The following BBOX1 variants were observed in gnomAD, a reference collection of about 807,000 sequenced individuals.
The protein encoded by BBOX1 is gamma-butyrobetaine hydroxylase 1, also known as gamma-butyrobetaine dioxygenase.
In BBOX1, 35 loss-of-function variants were observed where a neutral mutation model predicts 41.6. The observed-to-expected ratio is 0.84, with a 90% CI of 0.64 to 1.11. The LOEUF (loss-of-function observed/expected upper bound fraction) is 1.11. Among genes scored for constraint, BBOX1 ranks in the 50% most tolerant of loss-of-function variants. BBOX1 has a pLI of 0.00. For synonymous variants in BBOX1, 163 were observed against 154.7 expected (o/e 1.05, Z -0.40); for missense variants, 458 against 460.6 (o/e 0.99, Z 0.05).
chr11:27,047,273 C>G (rs1449225059), intron 2 of BBOX1: 1 of 152,178 alleles, frequency 6.6e-6, no homozygotes, highest in Non-Finnish European at 1.5e-5. Flanking sequence ...TCAGGTTCCC[C>G]CAGTGATTGG....
rs60181877 is a variant in BBOX1 at position 27,063,945 on chromosome 11, ATTTGG to A, written c.334+6637_334+6641del. On this transcript the variant is annotated intron_variant, in intron 4 of 8. Transcript: ENST00000263182. Reference sequence around the variant, plus strand: ...GACTTTATGACAGTGCAAAAACCAGATTTGGTTTGGTGCAGAGGCCATTTTTACAA... The same window carrying A: ...GACTTTATGACAGTGCAAAAACCAGATTTGGTGCAGAGGCCATTTTTACAA... 0.016 allele frequency among the ~76,000 whole-genome samples: 2,477 copies of A among 152,286 alleles called. 240 individuals are homozygous for A. In the East Asian group the frequency reaches 0.29, roughly 18 times the overall value.
At chr11:27,116,809 C>G (rs1490912359) in intron 6 of BBOX1, among the ~76,000 whole-genome samples, 2 of 151,974 alleles carry the variant, frequency 1.3e-5, no homozygotes, top group Non-Finnish European at 2.9e-5. Flanking sequence ...AAATCTAGCC[C>G]ACATTCAGGA....
chr11:27,082,232 C>T (rs1322152474), intron 4 of BBOX1, among the ~76,000 whole-genome samples: 1 of 152,080 alleles, frequency 6.6e-6, no homozygotes, highest in Non-Finnish European at 1.5e-5. Flanking sequence ...AATATCCAAA[C>T]TATATCTCTA....
chr11:27,070,668 G>T (rs1443184398), intron 4 of BBOX1, among the ~76,000 whole-genome samples: 1 of 149,480 alleles, frequency 6.7e-6, no homozygotes, highest in Non-Finnish European at 1.5e-5. Context: ...TGTGTTAGGT[G>T]AGTCTCTTGA....
At chr11:27,123,186 G>A (rs1178940764) in intron 7 of BBOX1, among the ~76,000 whole-genome samples, 1 of 152,108 alleles carries the variant, frequency 6.6e-6, no homozygotes, top group East Asian at 1.9e-4. Context: ...TAAACAGTAG[G>A]TAAAAGAAAG....
chr11:27,084,968 T>C (rs1482529820), intron 4 of BBOX1, among the ~76,000 whole-genome samples: 2 of 152,148 alleles, frequency 1.3e-5, no homozygotes, highest in African/African-American at 4.8e-5. Context: ...TTCGTAATGT[T>C]TATGTACCCA....
At position 27,057,226 on chromosome 11, in the gene BBOX1, A is replaced by G; in HGVS notation, c.245A>G (p.His82Arg). The G allele has an allele frequency of 3.1e-6, 5 of 1,610,764 alleles. No individual in the cohort carries two copies. The highest frequency in any genetic ancestry group is 4.2e-6 in the Non-Finnish European group (5 of 1,179,290). ...GTGTACATCACATGGCCCGATGAGC[A>G]TTACAGTGAATTCCAGGCTGATTGG... ...KKVYITWPDE[H>R]YSEFQADWLK... is the part of the protein sequence containing the mutation. Residue 82 changes from histidine (H) to arginine (R), a missense_variant, in exon 4 of 9, where the codon CAT becomes CGT. Transcript: ENST00000263182.
intron 4 of BBOX1, among the ~76,000 whole-genome samples, chr11:27,073,084 A>G (rs1857510169): frequency 6.6e-6 from 1 of 152,190 alleles, no homozygotes; most frequent in African/African-American, 2.4e-5. Context: ...TAAACTAAAG[A>G]GCTTCTGCAC....
intron 5 of BBOX1, among the ~76,000 whole-genome samples, chr11:27,096,787 T>C (rs1858455114): frequency 6.6e-6 from 1 of 151,982 alleles, no homozygotes; most frequent in East Asian, 1.9e-4. Context: ...AATGAATAAA[T>C]CATGCCTAAA....
chr11:27,058,329 C>A (rs1224838818), intron 4 of BBOX1, among the ~76,000 whole-genome samples: 2 of 152,184 alleles, frequency 1.3e-5, no homozygotes, highest in African/African-American at 4.8e-5. Context: ...AATTTAACTT[C>A]TTTTCTTTAT....
At chr11:27,075,066 T>C (rs890175710) in intron 4 of BBOX1, among the ~76,000 whole-genome samples, 14 of 152,232 alleles carry the variant, frequency 9.2e-5, no homozygotes, top group African/African-American at 3.4e-4. Context: ...GCCAGAATTA[T>C]TTTTCTGTTT....
intron 5 of BBOX1, among the ~76,000 whole-genome samples, chr11:27,107,329 T>C (rs1434087278): frequency 6.6e-6 from 1 of 151,962 alleles, no homozygotes; most frequent in East Asian, 1.9e-4. Context: ...TTAACAAAAT[T>C]GATAGACTGC....
chr11:27,126,425 C>A (rs1025980114), intron 8 of BBOX1, among the ~76,000 whole-genome samples: 13 of 152,026 alleles, frequency 8.6e-5, no homozygotes, highest in South Asian at 2.1e-4. Flanking sequence ...GGAAAAAATA[C>A]AAAAAATACA....
intron 3 of BBOX1, 139 bp downstream of exon 3, chr11:27,055,788 C>A (rs188738260): frequency 2.0e-4 from 126 of 642,738 alleles, no homozygotes; most frequent in African/African-American, 1.9e-3. Context: ...GTACTTGGTG[C>A]GAATTAAGTA....
chr11:27,092,195 T>C (rs1354844155), intron 4 of BBOX1, among the ~76,000 whole-genome samples: 2 of 151,918 alleles, frequency 1.3e-5, no homozygotes, highest in Non-Finnish European at 2.9e-5. Flanking sequence ...AACAGGGGGC[T>C]TTATTTTGTT....
At chr11:27,122,971 T>C (rs911022411) in intron 7 of BBOX1, among the ~76,000 whole-genome samples, 1 of 152,176 alleles carries the variant, frequency 6.6e-6, no homozygotes, top group Non-Finnish European at 1.5e-5. Flanking sequence ...TAGACCCTGC[T>C]GTTCTGTTAT....
intron 4 of BBOX1, chr11:27,057,520 A>G: frequency 2.0e-6 from 1 of 491,660 alleles, no homozygotes; most frequent in Middle Eastern, 5.5e-4. Flanking sequence ...GACATTCTAC[A>G]GAGAAAGAAA....
At chr11:27,080,109 G>A (rs1344641691) in intron 4 of BBOX1, among the ~76,000 whole-genome samples, 2 of 151,956 alleles carry the variant, frequency 1.3e-5, no homozygotes, top group Non-Finnish European at 2.9e-5. Context: ...TTACTGCACT[G>A]TTTAATCCTA....
chr11:27,057,176 T>G (rs756382965), intron 3 of BBOX1, 25 bp from the exon 4 acceptor site: 2 of 1,483,502 alleles, frequency 1.3e-6, no homozygotes, highest in Non-Finnish European at 1.8e-6. Flanking sequence ...TCCACATAGG[T>G]GAAATTTGCT....
Sources: gnomAD v4.1 joint callset for allele counts (sites outside exome capture counted in the v4.1 genomes callset) on GRCh38, gnomAD v4.1.1 for gene constraint, MANE v1.5 for transcripts, NCBI Gene and HGNC (gene_info 2026-07-23, HGNC 2026-07-21) for gene names.